Variants in KIFC3 observed in about 807,000 individuals in gnomAD.
KIFC3 encodes kinesin family member C3.
A neutral mutation model predicts 101.8 loss-of-function variants in KIFC3; 60 were observed. The ratio of observed to expected loss-of-function variants is 0.59; its 90% confidence interval spans 0.48 to 0.73. The LOEUF is 0.73. Among genes scored for constraint, KIFC3 ranks in the 30% least tolerant of loss-of-function variants. KIFC3 has a pLI of 0.00. For missense variants in KIFC3, 966 were observed against 1,137.1 expected (o/e 0.85, Z 2.16); for synonymous variants, 476 against 482.7 (o/e 0.99, Z 0.18).
intron 3 of KIFC3, among the ~76,000 whole-genome samples, chr16:57,780,590 A>AAG (rs1555613974): frequency 4.0e-5 from 6 of 150,684 alleles, no homozygotes; most frequent in African/African-American, 1.5e-4. Context: ...AAAAAAAAAA[A>AAG]AAGAAGAAGG....
chr16:57,810,689 A>G, intron 1 of KIFC3: 28 of 985,426 alleles, frequency 2.8e-5, no homozygotes, highest in Non-Finnish European at 3.3e-5. Context: ...AACTTCAGCA[A>G]TGGGCTGAGG....
chr16:57,765,028 ACCCAAAG>A lies in KIFC3; in HGVS notation c.1512+424_1512+430del, dbSNP rs797023914. On this transcript the variant is annotated intron_variant, in intron 11 of 19. Coordinates refer to ENST00000445690, the MANE Select transcript of KIFC3 (RefSeq NM_001130100.2). ...TGGAAGGGGCCACCTGAATGGGAGG[ACCCAAAG>A]CCATGGTGGTGGGAGGGGCTGTGGG... Among the ~76,000 whole-genome samples the A allele has an allele frequency of 4.9e-4, 70 of 142,028 alleles. 3 individuals carry two copies. Among genetic ancestry groups the A allele is most frequent in the Middle Eastern group, 3.9e-3 (1 of 254 alleles). 93.2% of individuals were successfully genotyped at this position (142,028 alleles called of 152,430 possible). A position where few individuals can be genotyped will look rare whatever the true frequency, so the allele number is the denominator to read the frequency against.
rs1555605988 is a variant in KIFC3, at chr16:57,769,744, T to TCC, written c.1088-20_1088-19insGG. ...CGGACGCCTATGGGGACACTCGGGC[T>TCC]GTGAGGCGGGAGGGGATGAGGGGCC... On this transcript the variant is annotated intron_variant, in intron 8 of 19. Coordinates refer to ENST00000445690, the MANE Select transcript of KIFC3 (RefSeq NM_001130100.2). This position sits in a 1 kb window ranked among gnomAD's most constrained non-coding sequence, Gnocchi z 4.3. 1 of 1,612,694 alleles carries TCC rather than the reference T, an allele frequency of 6.2e-7. No homozygotes were observed. Among genetic ancestry groups the TCC allele is most frequent in the Non-Finnish European group, 8.5e-7 (1 of 1,179,756 alleles).
At chr16:57,855,050 T>C (rs1210244510) in intron 1 of KIFC3, among the ~76,000 whole-genome samples, 2 of 150,010 alleles carry the variant, frequency 1.3e-5, no homozygotes, top group Non-Finnish European at 3.0e-5. Flanking sequence ...CAAGATGCCA[T>C]CTCTACAAAG....
intron 3 of KIFC3, among the ~76,000 whole-genome samples, chr16:57,792,712 C>T (rs1598117738): frequency 6.6e-6 from 1 of 150,982 alleles, no homozygotes; most frequent in South Asian, 2.1e-4. Context: ...ATGAAACCTC[C>T]GTCTCTACAA....
rs1013152595 is a variant in KIFC3 at position 57,790,914 on chromosome 16, C to T, written c.315+4085G>A. 15 of 985,132 alleles carry T rather than the reference C, an allele frequency of 1.5e-5. No homozygotes were observed. The South Asian group carries it at 1.9e-4, about 12-fold the overall frequency. 61.0% of individuals were successfully genotyped at this position (985,132 alleles called of 1,614,324 possible). A position where few individuals can be genotyped will look rare whatever the true frequency, so the allele number is the denominator to read the frequency against. ...GACCCAGAGCTCCACTTGAGAAGGGCGGGTGGCAGACACACCTCTTATATT... is the reference window on the plus strand; with the variant it reads ...GACCCAGAGCTCCACTTGAGAAGGGTGGGTGGCAGACACACCTCTTATATT... On this transcript the variant is annotated intron_variant, in intron 3 of 19. Transcript: ENST00000445690.
intron 3 of KIFC3, chr16:57,776,144 A>T (rs2149031101): frequency 1.0e-6 from 1 of 985,408 alleles, no homozygotes; most frequent in Non-Finnish European, 1.2e-6. Context: ...CACCAAGCCC[A>T]GTCAACGATC....
intron 4 of KIFC3, 95 bp downstream of exon 4, chr16:57,772,128 A>T: frequency 3.8e-6 from 4 of 1,043,424 alleles, no homozygotes; most frequent in Non-Finnish European, 5.7e-6. Context: ...ATGCGGGCTC[A>T]GGAGAGAGAG....
intron 1 of KIFC3, among the ~76,000 whole-genome samples, chr16:57,853,776 C>T (rs147836949): frequency 0.019 from 2,836 of 152,124 alleles, 80 homozygotes; most frequent in African/African-American, 0.064. Context: ...GGATTACAGG[C>T]GTGCGCCACC....
intron 3 of KIFC3, among the ~76,000 whole-genome samples, chr16:57,788,088 C>T (rs1258178267): frequency 6.6e-6 from 1 of 152,242 alleles, no homozygotes; most frequent in African/African-American, 2.4e-5. Flanking sequence ...CATGGCAGGC[C>T]CTGCCAGGGA....
chr16:57,862,776 G>A, exon 1 of KIFC3: 1 of 1,289,662 alleles, frequency 7.8e-7, no homozygotes, highest in Non-Finnish European at 1.0e-6. Context: ...GTTTCCTGGT[G>A]TCTGGGCTTC....
chr16:57,856,464 A>AAAGG lies in KIFC3; in HGVS notation c.108+6261_108+6264dup, dbSNP rs768384775. Reference sequence around the variant, plus strand: ...TGACAGAGACCGTGTCTAAAAAAAGAAAGGAAGGAAGGAAGGAAAGAAGGG... The same window carrying AAAGG: ...TGACAGAGACCGTGTCTAAAAAAAGAAAGGAAGGAAGGAAGGAAGGAAAGAAGGG... On this transcript the variant is annotated intron_variant, in intron 1 of 2. Coordinates refer to the KIFC3 transcript ENST00000563028. Among the ~76,000 whole-genome samples the AAAGG allele has an allele frequency of 2.1e-5, 3 of 143,622 alleles. No homozygotes were observed. In the East Asian group the frequency reaches 7.0e-4, roughly 34 times the overall value. 94.2% of individuals were successfully genotyped at this position (143,622 alleles called of 152,430 possible).
chr16:57,840,748 G>A (rs184009839), intron 1 of KIFC3, among the ~76,000 whole-genome samples: 9 of 138,438 alleles, frequency 6.5e-5, no homozygotes, highest in Admixed American at 3.0e-4. Context: ...CAACAAGAGC[G>A]AAACTCTGTC....
At chr16:57,767,450 CA>C (rs2148916860) in intron 9 of KIFC3, among the ~76,000 whole-genome samples, 2 of 152,276 alleles carry the variant, frequency 1.3e-5, no homozygotes, top group East Asian at 1.9e-4. Context: ...AAAAAAGATG[CA>C]AAATCACACA....
intron 1 of KIFC3, among the ~76,000 whole-genome samples, chr16:57,858,824 C>A (rs1172148878): frequency 1.3e-5 from 2 of 152,082 alleles, no homozygotes; most frequent in African/African-American, 2.4e-5. Context: ...GTGGCACGTG[C>A]CTGTAATCTC....
At chr16:57,772,909 A>C (rs1303278249) in intron 3 of KIFC3, among the ~76,000 whole-genome samples, 1 of 152,046 alleles carries the variant, frequency 6.6e-6, no homozygotes, top group Admixed American at 6.5e-5. Flanking sequence ...GGGGGTGTGC[A>C]CCCCATGAGG....
At chr16:57,799,837 T>C (rs1334864801) in intron 1 of KIFC3, among the ~76,000 whole-genome samples, 1 of 151,848 alleles carries the variant, frequency 6.6e-6, no homozygotes, top group African/African-American at 2.4e-5. Flanking sequence ...GAAGGAGAGG[T>C]TGGTCAGTGC....
At chr16:57,840,376 T>C (rs2149310515) in intron 1 of KIFC3, among the ~76,000 whole-genome samples, 1 of 152,094 alleles carries the variant, frequency 6.6e-6, no homozygotes, top group African/African-American at 2.4e-5. Context: ...ACACAGTGGC[T>C]CATCCTATAA....
chr16:57,765,804 C>T (rs1555602487), intron 10 of KIFC3, 164 bp from the exon 11 acceptor site: 2 of 619,562 alleles, frequency 3.2e-6, no homozygotes, highest in Non-Finnish European at 5.6e-6. Context: ...CCGTCATTCA[C>T]ACTATAGTAT....
Sources: gnomAD v4.1 joint callset for allele counts (sites outside exome capture counted in the v4.1 genomes callset) on GRCh38, gnomAD v4.1.1 for gene constraint, Gnocchi (gnomAD v3.1) non-coding constraint, MANE v1.5 for transcripts, NCBI Gene and HGNC (gene_info 2026-07-23, HGNC 2026-07-21) for gene names.